SDHC: variants seen among roughly 807,000 people sequenced by gnomAD.
SDHC encodes succinate dehydrogenase complex subunit C, also known as succinate dehydrogenase cytochrome b560 subunit, mitochondrial.
A neutral mutation model predicts 22.6 loss-of-function variants in SDHC; 11 were observed. The ratio of observed to expected loss-of-function variants is 0.49; its 90% CI spans 0.31 to 0.81. The LOEUF (loss-of-function observed/expected upper bound fraction) is 0.81, where lower values mean the gene tolerates loss of function less well. Ranked by LOEUF, SDHC falls within the 30% of genes least tolerant of loss-of-function variation. SDHC has a pLI of 0.05. For synonymous variants in SDHC, 80 were observed against 77.8 expected (o/e 1.03, Z -0.15); for missense variants, 160 against 212.0 (o/e 0.75, Z 1.52).
intron 4 of SDHC, among the ~76,000 whole-genome samples, chr1:161,340,943 C>T (rs1253896266): frequency 6.6e-6 from 1 of 152,062 alleles, no homozygotes; most frequent in African/African-American, 2.4e-5. Flanking sequence ...TGCTGGGTTC[C>T]AGCGATTCTC....
intron 1 of SDHC, among the ~76,000 whole-genome samples, chr1:161,316,102 TATACAATCGGGTTTTACACCGAGAC>T (rs1404660991): frequency 6.6e-6 from 1 of 152,194 alleles, no homozygotes; most frequent in Non-Finnish European, 1.5e-5. Flanking sequence ...GTAGATGGAA[TATACAATCGGGTTTTACACCGAGAC>T]ATTCCATTGC....
At chr1:161,328,319 G>T in intron 2 of SDHC, 77 bp from the exon 3 acceptor site, 2 of 1,211,852 alleles carry the variant, frequency 1.7e-6, no homozygotes, top group South Asian at 2.4e-5. Flanking sequence ...GCAAAATATT[G>T]ACTTAATAAA....
Position 161,338,965 on chromosome 1 carries a change from C to T in SDHC, c.180-1629C>T, listed in dbSNP as rs553676316. On this transcript the variant is annotated intron_variant, in intron 3 of 5. Coordinates refer to ENST00000367975, the MANE Select transcript of SDHC (RefSeq NM_003001.5). ...CCGGATTCAAGTCATTCTCCTGCCT[C>T]AGCCTCCCAAGTAGCTGGGATTACA... Among the ~76,000 whole-genome samples, 127 of 152,300 alleles carry T rather than the reference C, an allele frequency of 8.3e-4. 1 individual carries two copies. Among genetic ancestry groups the T allele is most frequent in the African/African-American group, 3.0e-3 (123 of 41,564 alleles).
At chr1:161,316,208 TAA>T (rs1454235826) in intron 1 of SDHC, among the ~76,000 whole-genome samples, 1 of 152,110 alleles carries the variant, frequency 6.6e-6, no homozygotes, top group Non-Finnish European at 1.5e-5. Flanking sequence ...CCTCTTTTGC[TAA>T]TCCTCTTCAG....
At chr1:161,340,930 G>A (rs1289512727) in intron 4 of SDHC, among the ~76,000 whole-genome samples, 4 of 152,034 alleles carry the variant, frequency 2.6e-5, no homozygotes, top group African/African-American at 9.7e-5. Flanking sequence ...TGCAACCTCC[G>A]CCTGCTGGGT....
chr1:161,317,868 T>C (rs1444422364), intron 1 of SDHC, among the ~76,000 whole-genome samples: 1 of 151,352 alleles, frequency 6.6e-6, no homozygotes, highest in Non-Finnish European at 1.5e-5. Flanking sequence ...TGTAACAACA[T>C]AATAACATAA....
chr1:161,318,711 T>C (rs2102283335), intron 1 of SDHC, among the ~76,000 whole-genome samples: 1 of 152,328 alleles, frequency 6.6e-6, no homozygotes, highest in South Asian at 2.1e-4. Context: ...TTTTAACCTT[T>C]TTCTTTGTGT....
At chr1:161,340,968 T>C (rs1238831822) in intron 4 of SDHC, among the ~76,000 whole-genome samples, 5 of 152,088 alleles carry the variant, frequency 3.3e-5, no homozygotes, top group African/African-American at 1.2e-4. Flanking sequence ...CTCAGCCTCC[T>C]GAGTAGCTGG....
At chr1:161,357,684 C>T (rs1313377267) in intron 5 of SDHC, among the ~76,000 whole-genome samples, 3 of 152,162 alleles carry the variant, frequency 2.0e-5, no homozygotes, top group Non-Finnish European at 2.9e-5. Context: ...CAGACGTGAG[C>T]CACTGTGCCC....
chr1:161,321,856 CT>C (rs1670852587), intron 1 of SDHC, among the ~76,000 whole-genome samples: 1 of 152,100 alleles, frequency 6.6e-6, no homozygotes. Context: ...ATGCAATAAA[CT>C]TTTGTAGAAT....
intron 1 of SDHC, 168 bp downstream of exon 1, chr1:161,314,593 C>A (rs1212986885): frequency 9.1e-6 from 7 of 771,696 alleles, no homozygotes; most frequent in East Asian, 2.7e-5. Flanking sequence ...CCGTCCCCCC[C>A]AGCCGCTCCG....
At chr1:161,357,997 C>G (rs1226816898) in intron 5 of SDHC, among the ~76,000 whole-genome samples, 1 of 150,462 alleles carries the variant, frequency 6.6e-6, no homozygotes, top group Non-Finnish European at 1.5e-5. Context: ...AACTGGGTGC[C>G]AAGAATTCCA....
chr1:161,341,226 T>C (rs1053195893), intron 4 of SDHC, among the ~76,000 whole-genome samples: 2 of 152,172 alleles, frequency 1.3e-5, no homozygotes, highest in African/African-American at 4.8e-5. Flanking sequence ...CAGAGAAATG[T>C]AATAGAGATG....
chr1:161,323,702 A>ATT (rs368411074), intron 2 of SDHC, 32 bp downstream of exon 2: 59 of 1,307,668 alleles, frequency 4.5e-5, no homozygotes, highest in Non-Finnish European at 4.7e-5. Flanking sequence ...TTATTTATTT[A>ATT]TTTTTTTTTT....
rs370931660 is a variant in SDHC at position 161,343,061 on chromosome 1, G to C, written c.241+2406G>C. On this transcript the variant is annotated intron_variant, in intron 4 of 5. Coordinates refer to ENST00000367975, the MANE Select transcript of SDHC (RefSeq NM_003001.5). ...CAGATGGCAACCTTCAGGTCCTATCGTGTAAGTGTGCTCTTGCTCCAGAAA... is the reference window on the plus strand; with the variant it reads ...CAGATGGCAACCTTCAGGTCCTATCCTGTAAGTGTGCTCTTGCTCCAGAAA... Among the ~76,000 whole-genome samples, 36 of 152,306 alleles carry C rather than the reference G, an allele frequency of 2.4e-4. No homozygotes were observed. In the East Asian group the frequency reaches 4.2e-3, roughly 18 times the overall value.
At chr1:161,344,152 T>C (rs909679735) in intron 4 of SDHC, among the ~76,000 whole-genome samples, 1 of 151,888 alleles carries the variant, frequency 6.6e-6, no homozygotes, top group East Asian at 1.9e-4. Context: ...TAGCCGGGCA[T>C]GGTGGCGGGC....
At chr1:161,339,451 AG>A in intron 3 of SDHC, 1 of 463,562 alleles carries the variant, frequency 2.2e-6, no homozygotes, top group Non-Finnish European at 3.5e-6. Flanking sequence ...CCAAAGTACT[AG>A]GATTACAGGT....
chr1:161,353,968 C>T (rs1672180275), intron 4 of SDHC, among the ~76,000 whole-genome samples: 1 of 152,148 alleles, frequency 6.6e-6, no homozygotes, highest in South Asian at 2.1e-4. Context: ...GTAGCACAAT[C>T]ACAGCTCACT....
intron 5 of SDHC, among the ~76,000 whole-genome samples, chr1:161,357,152 C>T (rs988003342): frequency 2.6e-5 from 4 of 152,028 alleles, no homozygotes; most frequent in African/African-American, 9.7e-5. Context: ...GTCTCAAACT[C>T]CTGGCCTTAA....
Sources: gnomAD v4.1 joint callset for allele counts (sites outside exome capture counted in the v4.1 genomes callset) on GRCh38, gnomAD v4.1.1 for gene constraint, MANE v1.5 for transcripts, NCBI Gene and HGNC (gene_info 2026-07-23, HGNC 2026-07-21) for gene names.